The following FSTL4 variants were observed in gnomAD, a reference collection of about 807,000 sequenced individuals.
FSTL4 encodes follistatin like 4.
Under a neutral mutation model 78.2 loss-of-function variants are expected in FSTL4, and 28 were observed. The ratio of observed to expected loss-of-function variants is 0.36; its 90% CI spans 0.27 to 0.49. FSTL4 has a LOEUF of 0.49. Ranked by LOEUF, FSTL4 falls within the 20% of genes least tolerant of loss-of-function variation. The pLI, the probability that FSTL4 is intolerant of heterozygous loss-of-function variation, is 0.98. For synonymous variants in FSTL4, 422 were observed against 440.5 expected (o/e 0.96, Z 0.53); for missense variants, 922 against 1,084.9 (o/e 0.85, Z 2.11).
chr5:133,740,221 T>C, the FSTL4 span, among the ~76,000 whole-genome samples: 1 of 152,036 alleles, frequency 6.6e-6, no homozygotes, highest in Non-Finnish European at 1.5e-5. Context: ...GATACCCCCT[T>C]AGACAGGTGG....
intron 2 of FSTL4, among the ~76,000 whole-genome samples, chr5:133,581,945 G>A (rs1760420860): frequency 6.6e-6 from 1 of 152,238 alleles, no homozygotes; most frequent in Admixed American, 6.5e-5. Context: ...GTGCCAGTGG[G>A]CTGGCAGGGT....
the FSTL4 span, among the ~76,000 whole-genome samples, chr5:133,647,673 G>A: frequency 5.3e-5 from 8 of 152,318 alleles, no homozygotes; most frequent in East Asian, 5.8e-4. Flanking sequence ...AAAGGCTTAT[G>A]CATATTTCTC....
the FSTL4 span, among the ~76,000 whole-genome samples, chr5:133,641,534 C>CACCT: frequency 2.6e-5 from 4 of 152,200 alleles, 1 homozygote; most frequent in South Asian, 8.3e-4. Flanking sequence ...CTGGGACCAA[C>CACCT]ACTTCTACTC....
intron 3 of FSTL4, among the ~76,000 whole-genome samples, chr5:133,416,683 GC>G (rs1459789218): frequency 6.6e-6 from 1 of 152,164 alleles, no homozygotes; most frequent in African/African-American, 2.4e-5. Flanking sequence ...GGGGAGAAGA[GC>G]TCGGCATAAT....
chr5:133,286,076 G>T (rs926052977), intron 6 of FSTL4, among the ~76,000 whole-genome samples: 1 of 152,214 alleles, frequency 6.6e-6, no homozygotes, highest in Non-Finnish European at 1.5e-5. Context: ...GTGTGTGTGT[G>T]ACATGGTCAC....
chr5:133,799,291 G>A, the FSTL4 span, among the ~76,000 whole-genome samples: 2 of 138,026 alleles, frequency 1.4e-5, no homozygotes, highest in East Asian at 2.0e-4. Context: ...AGCCATCCCT[G>A]CAGACCTTTC....
chr5:133,737,631 G>C, the FSTL4 span, among the ~76,000 whole-genome samples: 1 of 126,566 alleles, frequency 7.9e-6, no homozygotes. Context: ...TTGAGACGGA[G>C]TCTCACTCTG....
chr5:133,394,677 C>T (rs988683906), intron 4 of FSTL4, among the ~76,000 whole-genome samples: 14 of 152,204 alleles, frequency 9.2e-5, no homozygotes, highest in East Asian at 1.9e-4. Flanking sequence ...CCCCAACGAG[C>T]GCCGCCACCT....
chr5:133,359,207 C>T (rs1755015480), intron 4 of FSTL4, among the ~76,000 whole-genome samples: 1 of 152,222 alleles, frequency 6.6e-6, no homozygotes, highest in African/African-American at 2.4e-5. Flanking sequence ...AATGCTGCCA[C>T]CTACATCTTT....
At chr5:133,514,177 T>TTAA (rs1561452495) in intron 3 of FSTL4, among the ~76,000 whole-genome samples, 1 of 97,468 alleles carries the variant, frequency 1.0e-5, no homozygotes, top group Non-Finnish European at 2.0e-5. Flanking sequence ...AGACTCCGTC[T>TTAA]CAATGATAAT....
chr5:133,624,959 T>A, the FSTL4 span, among the ~76,000 whole-genome samples: 1 of 151,892 alleles, frequency 6.6e-6, no homozygotes, highest in East Asian at 1.9e-4. Context: ...TTTCATTACT[T>A]TTAGTAGTTT....
chr5:133,553,017 G>T (rs1211066351), intron 3 of FSTL4, among the ~76,000 whole-genome samples: 1 of 152,166 alleles, frequency 6.6e-6, no homozygotes, highest in Non-Finnish European at 1.5e-5. Context: ...AAGTCTCCTG[G>T]TCCTGCGGTT....
At chr5:133,619,763 A>G in the FSTL4 span, among the ~76,000 whole-genome samples, 2 of 152,238 alleles carry the variant, frequency 1.3e-5, no homozygotes, top group Non-Finnish European at 2.9e-5. Context: ...ATGCACATAC[A>G]TCAGCATTGC....
At chr5:133,308,117 A>G (rs1753696529) in intron 6 of FSTL4, among the ~76,000 whole-genome samples, 1 of 152,134 alleles carries the variant, frequency 6.6e-6, no homozygotes, top group Admixed American at 6.5e-5. Context: ...TGGCCACTCC[A>G]GCTTTAACTG....
At chr5:133,769,475 C>A in the FSTL4 span, among the ~76,000 whole-genome samples, 2 of 152,172 alleles carry the variant, frequency 1.3e-5, no homozygotes, top group Non-Finnish European at 2.9e-5. Flanking sequence ...TATTTGACTT[C>A]CTGAACATGC....
the FSTL4 span, among the ~76,000 whole-genome samples, chr5:133,831,428 T>C: frequency 6.6e-6 from 1 of 152,138 alleles, no homozygotes. Flanking sequence ...ACCCGAGAAC[T>C]CCACACGCAA....
intron 6 of FSTL4, among the ~76,000 whole-genome samples, chr5:133,294,094 T>C (rs1293013091): frequency 6.6e-6 from 1 of 152,198 alleles, no homozygotes; most frequent in Admixed American, 6.5e-5. Flanking sequence ...TTGTGAAGAC[T>C]AATAGCATTA....
the FSTL4 span, among the ~76,000 whole-genome samples, chr5:133,690,064 A>AACAC: frequency 5.6e-5 from 7 of 124,086 alleles, no homozygotes; most frequent in African/African-American, 1.9e-4. Context: ...TCCATTTCAA[A>AACAC]ACACACAAAC....
chr5:133,214,062 G>A (rs567951452), intron 13 of FSTL4, among the ~76,000 whole-genome samples: 1 of 152,284 alleles, frequency 6.6e-6, no homozygotes, highest in African/African-American at 2.4e-5. Flanking sequence ...GCAAAAATGA[G>A]TAGAACTTTG....
Sources: gnomAD v4.1 joint callset for allele counts (sites outside exome capture counted in the v4.1 genomes callset) on GRCh38, gnomAD v4.1.1 for gene constraint, MANE v1.5 for transcripts, NCBI Gene and HGNC (gene_info 2026-07-23, HGNC 2026-07-21) for gene names.